Variants in ATG10 observed in about 807,000 individuals in gnomAD.
The protein encoded by ATG10 is ubiquitin-like-conjugating enzyme ATG10.
Under a neutral mutation model 32.1 loss-of-function variants are expected in ATG10, and 30 were observed. The ratio of observed to expected loss-of-function variants is 0.94; its 90% confidence interval spans 0.70 to 1.27. ATG10 has a LOEUF of 1.27. Ranked by LOEUF, ATG10 falls within the 50% of genes most tolerant of loss-of-function variation. The probability of loss-of-function intolerance (pLI) is 0.00; values close to 1 mark genes in which losing one functional copy is unlikely to be tolerated. For synonymous variants in ATG10, 87 were observed against 91.5 expected (o/e 0.95, Z 0.28); for missense variants, 233 against 262.3 (o/e 0.89, Z 0.77).
At chr5:82,118,417 T>TATATATATATATATATTATATATA (rs1472778722) in intron 3 of ATG10, among the ~76,000 whole-genome samples, 1 of 141,200 alleles carries the variant, frequency 7.1e-6, no homozygotes, top group Non-Finnish European at 1.5e-5. Context: ...TATGTATATA[T>TATATATATATATATATTATATATA]TCCCTAGCAC....
chr5:82,050,917 A>G (rs140545075), intron 2 of ATG10, among the ~76,000 whole-genome samples: 12 of 149,972 alleles, frequency 8.0e-5, no homozygotes, highest in African/African-American at 2.7e-4. Context: ...AGACTGAGGC[A>G]GGAGGATGGC....
intron 1 of ATG10, among the ~76,000 whole-genome samples, chr5:81,985,415 C>T (rs1180177796): frequency 6.6e-6 from 1 of 152,144 alleles, no homozygotes; most frequent in African/African-American, 2.4e-5. Flanking sequence ...GATATAGAAT[C>T]GGTATTGCCA....
chr5:81,993,360 C>CTTCTTTCTTTCT lies in ATG10; in HGVS notation c.108+5688_108+5689insCTTTCTTTCTTT, dbSNP rs1389776064. ...CCTTCTTTCTTTCTTTCTTTCTTTC[C>CTTCTTTCTTTCT]TTCTTTTCTTTTCTTTTCTTTTCTT... On this transcript the variant is annotated intron_variant, in intron 2 of 7. Transcript: ENST00000282185. 1.2e-3 allele frequency among the ~76,000 whole-genome samples: 54 copies of CTTCTTTCTTTCT among 46,794 alleles called. 6 individuals carry two copies. The highest frequency in any genetic ancestry group is 4.5e-3 in the African/African-American group (49 of 11,010). 30.7% of individuals were successfully genotyped at this position (46,794 alleles called of 152,430 possible). A position where few individuals can be genotyped will look rare whatever the true frequency, so the allele number is the denominator to read the frequency against.
chr5:82,242,533 C>T lies in ATG10; in HGVS notation c.454-10029C>T, dbSNP rs190951562. Among the ~76,000 whole-genome samples, 383 of 151,924 alleles carry T rather than the reference C, an allele frequency of 2.5e-3. 2 individuals carry two copies. Among genetic ancestry groups the T allele is most frequent in the African/African-American group, 8.9e-3 (368 of 41,448 alleles). On this transcript the variant is annotated intron_variant, in intron 5 of 7. Transcript: ENST00000282185. ...AGGTTCAGGAAGCTCATTGAATCCCCCAGTGAAAAATGAAAAGAAATCCAC... is the reference window on the plus strand; with the variant it reads ...AGGTTCAGGAAGCTCATTGAATCCCTCAGTGAAAAATGAAAAGAAATCCAC...
chr5:82,168,173 T>C (rs2149906114), intron 4 of ATG10, among the ~76,000 whole-genome samples: 1 of 152,282 alleles, frequency 6.6e-6, no homozygotes, highest in South Asian at 2.1e-4. Flanking sequence ...TCTTATTCCC[T>C]GACCTTTTTA....
chr5:82,073,686 C>G (rs1389721464), intron 3 of ATG10: 2 of 152,146 alleles, frequency 1.3e-5, no homozygotes, highest in African/African-American at 4.8e-5. Flanking sequence ...TTGGCTAATG[C>G]TGTGAAAGTA....
intron 3 of ATG10, chr5:82,147,646 A>G (rs1311187334): frequency 6.6e-6 from 1 of 152,192 alleles, no homozygotes; most frequent in African/African-American, 2.4e-5. Context: ...ATTGCCCCAC[A>G]CATACATGGT....
At chr5:82,056,645 A>T (rs1174703208) in intron 2 of ATG10, among the ~76,000 whole-genome samples, 4 of 149,996 alleles carry the variant, frequency 2.7e-5, no homozygotes, top group Admixed American at 6.6e-5. Context: ...TGTCCTCCAG[A>T]GTCTCTGGGG....
At chr5:82,188,188 G>T (rs904729541) in intron 5 of ATG10, among the ~76,000 whole-genome samples, 1 of 152,086 alleles carries the variant, frequency 6.6e-6, no homozygotes, top group Non-Finnish European at 1.5e-5. Context: ...CAGGATGCTG[G>T]ATTTGGGTCT....
chr5:82,109,103 T>C (rs1765531724), intron 3 of ATG10, among the ~76,000 whole-genome samples: 1 of 151,996 alleles, frequency 6.6e-6, no homozygotes, highest in African/African-American at 2.4e-5. Flanking sequence ...AGACTACATA[T>C]AGGAGGCTAA....
At chr5:82,189,666 G>T (rs1265175784) in intron 5 of ATG10, among the ~76,000 whole-genome samples, 2 of 152,060 alleles carry the variant, frequency 1.3e-5, no homozygotes, top group Admixed American at 6.6e-5. Context: ...CTCTGTTGTG[G>T]AGACTGGAGT....
chr5:82,114,300 T>C (rs750093497), intron 3 of ATG10, among the ~76,000 whole-genome samples: 2 of 152,022 alleles, frequency 1.3e-5, no homozygotes, highest in Non-Finnish European at 2.9e-5. Flanking sequence ...TTCTTCCTTG[T>C]TACTTACTCT....
At chr5:82,049,519 G>T (rs1043571088) in intron 2 of ATG10, among the ~76,000 whole-genome samples, 1 of 151,398 alleles carries the variant, frequency 6.6e-6, no homozygotes, top group Non-Finnish European at 1.5e-5. Context: ...CCTGCACATT[G>T]TGCACATGTA....
At chr5:82,189,168 A>T (rs1744565338) in intron 5 of ATG10, among the ~76,000 whole-genome samples, 1 of 152,236 alleles carries the variant, frequency 6.6e-6, no homozygotes, top group Non-Finnish European at 1.5e-5. Flanking sequence ...TCATATGCTA[A>T]TAATACATAC....
intron 2 of ATG10, among the ~76,000 whole-genome samples, chr5:82,034,842 C>T (rs148621782): frequency 8.0e-4 from 122 of 152,228 alleles, no homozygotes; most frequent in African/African-American, 2.3e-3. Context: ...GCCCACCCTA[C>T]GTAAAATAGC....
chr5:82,208,440 A>G (rs1745380292), intron 5 of ATG10, among the ~76,000 whole-genome samples: 1 of 152,144 alleles, frequency 6.6e-6, no homozygotes, highest in South Asian at 2.1e-4. Context: ...AATATGGTAC[A>G]TCCTCCATTG....
At chr5:82,188,595 C>G (rs2149940933) in intron 5 of ATG10, among the ~76,000 whole-genome samples, 1 of 152,172 alleles carries the variant, frequency 6.6e-6, no homozygotes, top group East Asian at 1.9e-4. Flanking sequence ...ATTCTTATTT[C>G]CAGTTTTTGA....
At chr5:82,200,665 A>AT (rs891147171) in intron 5 of ATG10, among the ~76,000 whole-genome samples, 5 of 149,692 alleles carry the variant, frequency 3.3e-5, no homozygotes, top group East Asian at 2.0e-4. Flanking sequence ...TAAACATTGG[A>AT]TTTTTTTTAA....
chr5:82,154,439 C>T (rs1767732548), intron 3 of ATG10, among the ~76,000 whole-genome samples: 1 of 152,164 alleles, frequency 6.6e-6, no homozygotes, highest in Admixed American at 6.5e-5. Flanking sequence ...CAGATATACA[C>T]ATTTTATACA....
Sources: gnomAD v4.1 joint callset for allele counts (sites outside exome capture counted in the v4.1 genomes callset) on GRCh38, gnomAD v4.1.1 for gene constraint, MANE v1.5 for transcripts, NCBI Gene and HGNC (gene_info 2026-07-23, HGNC 2026-07-21) for gene names.